MTRF1: variants seen among roughly 807,000 people sequenced by gnomAD.
MTRF1 encodes peptide chain release factor 1, mitochondrial.
Under a neutral mutation model 62.9 loss-of-function variants are expected in MTRF1, and 51 were observed. That is an observed-to-expected ratio of 0.81 (90% CI 0.65 to 1.02). The LOEUF (loss-of-function observed/expected upper bound fraction) is 1.02, where lower values mean the gene tolerates loss of function less well. Ranked by LOEUF, MTRF1 falls within the 50% of genes least tolerant of loss-of-function variation. The pLI, the probability that MTRF1 is intolerant of heterozygous loss-of-function variation, is 0.00. For missense variants in MTRF1, 446 were observed against 530.0 expected, an observed-to-expected ratio of 0.84 and a Z score of 1.56; for synonymous variants, 158 against 181.9, an observed-to-expected ratio of 0.87 and a Z score of 1.06.
At chr13:41,256,799 T>C (rs984417048) in intron 2 of MTRF1, among the ~76,000 whole-genome samples, 3 of 152,240 alleles carry the variant, frequency 2.0e-5, no homozygotes, top group African/African-American at 7.2e-5. Flanking sequence ...TGTAAACCTG[T>C]AGAATCCGTC....
intron 5 of MTRF1, among the ~76,000 whole-genome samples, chr13:41,241,089 G>C (rs185510234): frequency 2.0e-5 from 3 of 152,202 alleles, no homozygotes; most frequent in Admixed American, 2.0e-4. Context: ...CTGTCACTGG[G>C]GCTGGTGTGC....
Position 41,219,863 on chromosome 13 carries a change from T to C in MTRF1, c.1225-2635A>G, listed in dbSNP as rs936133487. 5.9e-5 allele frequency among the ~76,000 whole-genome samples: 9 copies of C among 151,996 alleles called. No homozygotes were observed. In the East Asian group the frequency reaches 1.7e-3, roughly 29 times the overall value. Reference sequence around the variant, plus strand: ...AAAATACAAAATTAGCTGGGCATGGTGGTGCATGCCTGTAATCCCAGCTAT... The same window carrying C: ...AAAATACAAAATTAGCTGGGCATGGCGGTGCATGCCTGTAATCCCAGCTAT... On this transcript the variant is annotated intron_variant, in intron 9 of 9. Transcript: ENST00000379480.
At chr13:41,301,200 G>A in the MTRF1 span, among the ~76,000 whole-genome samples, 1 of 152,122 alleles carries the variant, frequency 6.6e-6, no homozygotes. Context: ...CCTCCTAAGC[G>A]CAGGTAGTGG....
chr13:41,240,772 T>C (rs1208040470), intron 5 of MTRF1, among the ~76,000 whole-genome samples: 1 of 152,244 alleles, frequency 6.6e-6, no homozygotes, highest in Non-Finnish European at 1.5e-5. Context: ...CCAAATTTTC[T>C]ATAATGAACA....
chr13:41,260,732 C>T lies in MTRF1; in HGVS notation c.176G>A (p.Arg59Lys). 6.2e-7 allele frequency: 1 copy of T among 1,614,176 alleles called. No individual in the cohort carries two copies. Among genetic ancestry groups the T allele is most frequent in the Non-Finnish European group, 8.5e-7 (1 of 1,180,034 alleles). Reference protein sequence around the residue: ...ILHLLSKNWSRRYCHQDTKML... With the variant: ...ILHLLSKNWSKRYCHQDTKML... ...CTTGGTGTCTTGATGGCAATATCTC[C>T]TGGACCAATTCTTACTTAACAGATG... Residue 59 changes from arginine (R) to lysine (K), a missense_variant, in exon 2 of 10, where the codon AGG becomes AAG. Coordinates refer to ENST00000379480, the MANE Select transcript of MTRF1 (RefSeq NM_004294.4).
chr13:41,244,758 T>C (rs981911712), intron 5 of MTRF1, among the ~76,000 whole-genome samples: 1 of 152,150 alleles, frequency 6.6e-6, no homozygotes, highest in African/African-American at 2.4e-5. Flanking sequence ...ATGAGTGAGC[T>C]TGCAAGCAGG....
chr13:41,282,151 A>G, the MTRF1 span, among the ~76,000 whole-genome samples: 1 of 151,472 alleles, frequency 6.6e-6, no homozygotes, highest in African/African-American at 2.4e-5. Context: ...AAAAAAAAAA[A>G]AAGAAAATAC....
the MTRF1 span, among the ~76,000 whole-genome samples, chr13:41,289,069 T>A: frequency 6.6e-6 from 1 of 152,096 alleles, no homozygotes; most frequent in Non-Finnish European, 1.5e-5. Context: ...ATTTGGCATT[T>A]GAAGCAAATT....
chr13:41,221,887 G>A (rs778414709), intron 9 of MTRF1, among the ~76,000 whole-genome samples: 9 of 152,118 alleles, frequency 5.9e-5, no homozygotes, highest in Non-Finnish European at 1.0e-4. Flanking sequence ...AACACGTTTC[G>A]TTAATACTGT....
chr13:41,260,457 G>A, intron 2 of MTRF1, 36 bp downstream of exon 2: 1 of 1,494,086 alleles, frequency 6.7e-7, no homozygotes, highest in Non-Finnish European at 9.1e-7. Flanking sequence ...TTTTTTCATA[G>A]CCCTTATGCA....
chr13:41,256,181 C>T (rs2039689518), intron 2 of MTRF1, among the ~76,000 whole-genome samples: 1 of 152,100 alleles, frequency 6.6e-6, no homozygotes, highest in Admixed American at 6.5e-5. Flanking sequence ...CAAACACATA[C>T]ACATGATTAC....
the MTRF1 span, among the ~76,000 whole-genome samples, chr13:41,282,063 G>A: frequency 9.2e-5 from 14 of 151,854 alleles, no homozygotes; most frequent in African/African-American, 2.9e-4. Flanking sequence ...ACTTGAACCC[G>A]GGAGGCGGAG....
intron 2 of MTRF1, 103 bp from the exon 3 acceptor site, chr13:41,254,723 C>A: frequency 2.7e-6 from 2 of 754,326 alleles, no homozygotes; most frequent in Non-Finnish European, 2.2e-6. Flanking sequence ...ATTTCAGTTG[C>A]AAAGGCAAGG....
At chr13:41,247,690 C>G (rs951622929) in intron 5 of MTRF1, among the ~76,000 whole-genome samples, 8 of 152,160 alleles carry the variant, frequency 5.3e-5, no homozygotes, top group African/African-American at 1.9e-4. Flanking sequence ...AGAGGCAGTT[C>G]TGGTGGCTTC....
chr13:41,259,517 T>C (rs1295504822), intron 2 of MTRF1, among the ~76,000 whole-genome samples: 2 of 151,454 alleles, frequency 1.3e-5, no homozygotes, highest in Non-Finnish European at 2.9e-5. Flanking sequence ...CTGGCCAACA[T>C]GGTGAAACCC....
chr13:41,295,460 T>G, the MTRF1 span, among the ~76,000 whole-genome samples: 1 of 152,198 alleles, frequency 6.6e-6, no homozygotes, highest in Non-Finnish European at 1.5e-5. Context: ...TTCAAGTACC[T>G]TTTTCATCAG....
chr13:41,273,328 A>T, the MTRF1 span, among the ~76,000 whole-genome samples: 2 of 122,526 alleles, frequency 1.6e-5, no homozygotes, highest in African/African-American at 5.3e-5. Context: ...TCCGTCTCAA[A>T]AAAAAAAAAA....
upstream of MTRF1, among the ~76,000 whole-genome samples, chr13:41,264,242 A>G (rs1294894995): frequency 6.6e-6 from 1 of 152,214 alleles, no homozygotes; most frequent in African/African-American, 2.4e-5. Context: ...AACAGCCCCA[A>G]AAGTTAGGAG....
the MTRF1 span, among the ~76,000 whole-genome samples, chr13:41,290,553 C>T: frequency 6.6e-6 from 1 of 150,564 alleles, no homozygotes; most frequent in Non-Finnish European, 1.5e-5. Context: ...TGCCCCAGTG[C>T]CCAGCTAATT....
Sources: allele counts gnomAD v4.1 joint callset (sites outside exome capture counted in the v4.1 genomes callset), GRCh38; gene constraint gnomAD v4.1.1; transcripts MANE v1.5; gene names NCBI Gene and HGNC (gene_info 2026-07-23, HGNC 2026-07-21).